The following ESPN variants were observed in gnomAD, a reference collection of about 807,000 sequenced individuals.
ESPN encodes the protein autosomal recessive deafness type 36 protein.
In ESPN, 68 loss-of-function variants were observed where a neutral mutation model predicts 77.7. The observed-to-expected ratio is 0.87, with a 90% CI of 0.72 to 1.07. The LOEUF (loss-of-function observed/expected upper bound fraction) is 1.07, where lower values mean the gene tolerates loss of function less well. Among genes scored for constraint, ESPN ranks in the 50% least tolerant of loss-of-function variants. ESPN has a pLI of 0.00. For synonymous variants in ESPN, 449 were observed against 567.1 expected (o/e 0.79, Z 2.96); for missense variants, 1,060 against 1,239.0 (o/e 0.86, Z 2.17).
intron 10 of ESPN, chr1:6,455,823 G>T (rs1176094241): frequency 2.5e-6 from 1 of 398,832 alleles, no homozygotes; most frequent in Non-Finnish European, 4.4e-6. Flanking sequence ...CGGCTGGAGC[G>T]ACGGCTTCGA....
intron 12 of ESPN, among the ~76,000 whole-genome samples, chr1:6,459,676 C>T (rs1298582333): frequency 6.6e-6 from 1 of 152,136 alleles, no homozygotes; most frequent in Non-Finnish European, 1.5e-5. Flanking sequence ...AGTCCTGGTC[C>T]CAGTAATCTT....
At chr1:6,431,242 A>G (rs1046875605) in intron 2 of ESPN, among the ~76,000 whole-genome samples, 13 of 152,186 alleles carry the variant, frequency 8.5e-5, no homozygotes, top group African/African-American at 2.9e-4. Context: ...CAGAGATTTT[A>G]TCAACTTCAG....
intron 2 of ESPN, among the ~76,000 whole-genome samples, chr1:6,431,067 GC>G (rs1273058066): frequency 6.6e-6 from 1 of 152,230 alleles, no homozygotes; most frequent in South Asian, 2.1e-4. Context: ...GCTTCTGGCT[GC>G]CCCAGGGCCT....
intron 1 of ESPN, among the ~76,000 whole-genome samples, chr1:6,426,609 C>G (rs1643044357): frequency 6.6e-6 from 1 of 152,178 alleles, no homozygotes; most frequent in South Asian, 2.1e-4. Flanking sequence ...CAGGCACAGG[C>G]CAGAGCCCAC....
Position 6,430,557 on chromosome 1 carries a change from A to G in ESPN, c.488+2138A>G, listed in dbSNP as rs192793592. Among the ~76,000 whole-genome samples, 130 of 152,356 alleles carry G rather than the reference A, an allele frequency of 8.5e-4. 1 individual carries two copies. The highest frequency in any genetic ancestry group is 3.4e-3 in the Middle Eastern group (1 of 294). On this transcript the variant is annotated intron_variant, in intron 2 of 12. Transcript: ENST00000645284. ...GCAGAGGACTTGTCACACTGACCTC[A>G]GGGGCTGCTGCCACGCGGGACCCTC...
chr1:6,440,255 G>T lies in ESPN; in HGVS notation c.490G>T (p.Gly164Ter). Reference sequence around the variant, plus strand: ...ACGGTGGGCGCTGTGTCTCCGCAGGGGAGTGAATGCCCAAACCAAGAACGG... The same window carrying T: ...ACGGTGGGCGCTGTGTCTCCGCAGGTGAGTGAATGCCCAAACCAAGAACGG... ...LRLLVEHYPE[G>*]VNAQTKNGAT... Residue 164 changes from glycine to a stop codon, truncating the protein, a stop_gained and splice_region_variant, in exon 3 of 13, where the codon GGA (glycine) becomes TGA (stop). Coordinates refer to ENST00000645284, the MANE Select transcript of ESPN (RefSeq NM_031475.3). LOFTEE classifies it high-confidence loss of function. The T allele has an allele frequency of 1.3e-6, 2 of 1,548,890 alleles. No homozygotes were observed. Among genetic ancestry groups the T allele is most frequent in the Non-Finnish European group, 1.7e-6 (2 of 1,146,494 alleles).
rs778800565 is a variant in ESPN at position 6,457,234 on chromosome 1, C to A, written c.2376C>A (p.Asp792Glu). 2 of 1,613,564 alleles carry A rather than the reference C, an allele frequency of 1.2e-6. No individual in the cohort carries two copies. The highest frequency in any genetic ancestry group is 1.7e-6 in the Non-Finnish European group (2 of 1,179,706). Residue 792 changes from aspartate to glutamate, a missense_variant, in exon 11 of 13, where the codon GAC becomes GAA. Asp to Glu is a conservative substitution (Grantham distance 45, BLOSUM62 2). Coordinates refer to ENST00000645284, the MANE Select transcript of ESPN (RefSeq NM_031475.3). ...CCAGCATGCCCGCCTGGAGGCGGGACCTCCTGCGGAAGAAGCTGGAAGAAG... is the reference window on the plus strand; with the variant it reads ...CCAGCATGCCCGCCTGGAGGCGGGAACTCCTGCGGAAGAAGCTGGAAGAAG... Reference protein sequence around the residue: ...RLASMPAWRRDLLRKKLEEER... With the variant: ...RLASMPAWRRELLRKKLEEER...
At chr1:6,458,788 G>C (rs1291799877) in intron 12 of ESPN, among the ~76,000 whole-genome samples, 1 of 150,306 alleles carries the variant, frequency 6.7e-6, no homozygotes, top group African/African-American at 2.4e-5. Context: ...AAAATTAGGT[G>C]GTCGTGATGG....
At chr1:6,431,146 C>T (rs540030503) in intron 2 of ESPN, among the ~76,000 whole-genome samples, 6 of 152,218 alleles carry the variant, frequency 3.9e-5, no homozygotes, top group Non-Finnish European at 8.8e-5. Context: ...GCTTAAGCTT[C>T]CAGGCTGGGG....
At chr1:6,444,817 G>A in intron 6 of ESPN, 135 bp downstream of exon 6, 3 of 1,017,472 alleles carry the variant, frequency 2.9e-6, no homozygotes, top group Non-Finnish European at 4.5e-6. Flanking sequence ...TTAAACATGG[G>A]GAGGCGACAC....
intron 1 of ESPN, 53 bp downstream of exon 1, chr1:6,425,302 T>C: frequency 6.5e-7 from 1 of 1,543,352 alleles, no homozygotes; most frequent in Admixed American, 1.9e-5. Context: ...CAGGACAGAG[T>C]CCTGGCCCAG....
chr1:6,452,350 G>A (rs1177207918), intron 10 of ESPN, among the ~76,000 whole-genome samples: 5 of 152,106 alleles, frequency 3.3e-5, no homozygotes, highest in East Asian at 3.9e-4. Flanking sequence ...GATTACAGGC[G>A]CCTGCCACCA....
rs752649606 is a variant in ESPN, at chr1:6,445,936, G to A, written c.1464+1G>A. Reference sequence around the variant, plus strand: ...GGAGACAGAGGCCCTCAAGAAGGAGGTAGTGAGCCCTCACCCCCTGCCTGC... The same window carrying A: ...GGAGACAGAGGCCCTCAAGAAGGAGATAGTGAGCCCTCACCCCCTGCCTGC... On this transcript the variant is annotated splice_donor_variant, in intron 7 of 12. Coordinates refer to ENST00000645284, the MANE Select transcript of ESPN (RefSeq NM_031475.3). LOFTEE classifies it high-confidence loss of function. The A allele has an allele frequency of 1.2e-5, 20 of 1,612,502 alleles. No homozygotes were observed. In the South Asian group the frequency reaches 1.9e-4, roughly 15 times the overall value.
chr1:6,441,125 GGGTGTCGT>G (rs1476871302), intron 5 of ESPN, 60 bp downstream of exon 5: 1 of 1,576,266 alleles, frequency 6.3e-7, no homozygotes, highest in African/African-American at 1.3e-5. Context: ...CCCCAGTGGT[GGGTGTCGT>G]CACCCCTTTT....
chr1:6,448,533 G>A (rs998634939), intron 7 of ESPN, 108 bp from the exon 8 acceptor site: 5 of 1,004,632 alleles, frequency 5.0e-6, no homozygotes, highest in African/African-American at 3.5e-5. Flanking sequence ...TGCACCCCTC[G>A]ACGGCCGCTG....
At position 6,451,960 on chromosome 1, in the gene ESPN, C is replaced by T. The variant is rs563809513; in HGVS notation, c.2189C>T (p.Pro730Leu). The change falls in exon 10 of 13, where the codon CCG becomes CTG. Residue 730 changes from proline (P) to leucine (L), a missense_variant. This residue lies in a region of ESPN where 374 missense variants were observed against 381.4 expected (regional missense o/e 0.98). Transcript: ENST00000645284. The surrounding 1 kb of genome is among the most constrained non-coding windows in gnomAD (Gnocchi z 4.3). ...LVPVPPTTPA[P>L]GVQLDVEALI... ...CCCGTGCCGCCCACTACTCCTGCGC[C>T]GGGAGTGCAGCTGGACGTGGAGGCT... 24 of 1,610,764 alleles carry T rather than the reference C, an allele frequency of 1.5e-5. No homozygotes were observed. Among genetic ancestry groups the T allele is most frequent in the African/African-American group, 6.7e-5 (5 of 75,008 alleles).
Position 6,427,121 on chromosome 1 carries a change from C to A in ESPN, c.295-1105C>A, listed in dbSNP as rs571075011. Among the ~76,000 whole-genome samples, 2 of 152,174 alleles carry A rather than the reference C, an allele frequency of 1.3e-5. No individual in the cohort carries two copies. Among genetic ancestry groups the A allele is most frequent in the Admixed American group, 6.5e-5 (1 of 15,278 alleles). On this transcript the variant is annotated intron_variant, in intron 1 of 12. Transcript: ENST00000645284. This position sits in a 1 kb window ranked among gnomAD's most constrained non-coding sequence, Gnocchi z 4.6. ...CCTGGGGTCTCTTGCCAGCTCCTGC[C>A]GCCTCTGCCAGTCTGTAACCACAGT... is the stretch of plus-strand genomic sequence containing the variant.
chr1:6,456,013 C>T, intron 10 of ESPN: 1 of 397,830 alleles, frequency 2.5e-6, no homozygotes, highest in Non-Finnish European at 4.4e-6. Flanking sequence ...CCGCAGCCGC[C>T]GCCGCCGCCC....
Position 6,448,573 on chromosome 1 carries a change from G to T in ESPN, c.1465-68G>T, listed in dbSNP as rs112292564. 124,525 of 1,402,760 alleles carry T rather than the reference G, an allele frequency of 0.089. 14,896 individuals carry two copies. The highest frequency in any genetic ancestry group is 0.59 in the African/African-American group (39,205 of 66,470). 86.9% of individuals were successfully genotyped at this position (1,402,760 alleles called of 1,614,324 possible). A position where few individuals can be genotyped will look rare whatever the true frequency, so the allele number is the denominator to read the frequency against. On this transcript the variant is annotated intron_variant, in intron 7 of 12. Transcript: ENST00000645284. ...CGAGTCCCCAGGAGGTGAAGAGCTG[G>T]GTGGGGAGGCGTGGGGGGCGCCTAC... is the stretch of plus-strand genomic sequence containing the variant.
Sources: gnomAD v4.1 joint callset for allele counts (sites outside exome capture counted in the v4.1 genomes callset) on GRCh38, gnomAD v4.1.1 for gene constraint, gnomAD v4.1.1 regional missense constraint, Gnocchi (gnomAD v3.1) non-coding constraint, MANE v1.5 for transcripts, NCBI Gene and HGNC (gene_info 2026-07-23, HGNC 2026-07-21) for gene names.